TMEM132C: variants seen among roughly 807,000 people sequenced by gnomAD.
TMEM132C encodes the protein protein phosphatase 1, regulatory subunit 152.
A neutral mutation model predicts 61.4 loss-of-function variants in TMEM132C; 29 were observed. The ratio of observed to expected loss-of-function variants is 0.47; its 90% CI spans 0.35 to 0.64. The LOEUF (loss-of-function observed/expected upper bound fraction) is 0.64. Ranked by LOEUF, TMEM132C falls within the 30% of genes least tolerant of loss-of-function variation. TMEM132C has a pLI of 0.00. For synonymous variants in TMEM132C, 656 were observed against 633.1 expected (o/e 1.04, Z -0.54); for missense variants, 1,408 against 1,476.9 (o/e 0.95, Z 0.76).
chr12:128,310,219 G>T (rs1462569617), intron 1 of TMEM132C, among the ~76,000 whole-genome samples: 1 of 152,180 alleles, frequency 6.6e-6, no homozygotes, highest in Admixed American at 6.5e-5. Flanking sequence ...TAAACACAAT[G>T]ATTATTTTTA....
chr12:128,689,320 A>G (rs556466475), intron 5 of TMEM132C, among the ~76,000 whole-genome samples: 166 of 152,200 alleles, frequency 1.1e-3, no homozygotes, highest in Non-Finnish European at 2.0e-3. Flanking sequence ...TCTCTCAGCA[A>G]TTTTGAAATG....
chr12:128,375,462 C>T (rs1874164228), intron 1 of TMEM132C, among the ~76,000 whole-genome samples: 1 of 152,126 alleles, frequency 6.6e-6, no homozygotes, highest in Non-Finnish European at 1.5e-5. Context: ...TAGCTTGTGG[C>T]TGCATCTCTC....
chr12:128,485,578 T>C (rs1871463302), intron 2 of TMEM132C, among the ~76,000 whole-genome samples: 1 of 142,470 alleles, frequency 7.0e-6, no homozygotes, highest in Non-Finnish European at 1.5e-5. Flanking sequence ...TGGTTGCCAC[T>C]ACTGGGGAGT....
chr12:128,499,329 A>G (rs1047339581), intron 2 of TMEM132C, among the ~76,000 whole-genome samples: 3 of 152,210 alleles, frequency 2.0e-5, no homozygotes, highest in Non-Finnish European at 4.4e-5. Context: ...GTTTTGATGC[A>G]GGCATACAGT....
chr12:128,407,092 G>T (rs1341346880), intron 1 of TMEM132C, among the ~76,000 whole-genome samples: 1 of 152,206 alleles, frequency 6.6e-6, no homozygotes, highest in Non-Finnish European at 1.5e-5. Flanking sequence ...ATCTCGAATT[G>T]TATCTCCCGT....
At chr12:128,608,623 G>A (rs539299315) in intron 3 of TMEM132C, among the ~76,000 whole-genome samples, 2 of 152,324 alleles carry the variant, frequency 1.3e-5, no homozygotes, top group East Asian at 3.9e-4. Context: ...GTTAATCACA[G>A]AGAGAAAACA....
chr12:128,311,690 G>C (rs1200822113), intron 1 of TMEM132C, among the ~76,000 whole-genome samples: 1 of 152,190 alleles, frequency 6.6e-6, no homozygotes, highest in Non-Finnish European at 1.5e-5. Context: ...TGCCCCGCAG[G>C]CTGCGGTGTG....
chr12:128,347,890 T>C (rs1188064374), intron 1 of TMEM132C, among the ~76,000 whole-genome samples: 3 of 152,242 alleles, frequency 2.0e-5, no homozygotes, highest in Non-Finnish European at 4.4e-5. Flanking sequence ...CAGTGTAATG[T>C]CTTCCTTTTA....
At chr12:128,640,345 A>G (rs2135599263) in intron 4 of TMEM132C, among the ~76,000 whole-genome samples, 1 of 152,316 alleles carries the variant, frequency 6.6e-6, no homozygotes, top group Middle Eastern at 3.4e-3. Context: ...TGAGACTTGA[A>G]AACATTATCC....
intron 8 of TMEM132C, among the ~76,000 whole-genome samples, chr12:128,698,775 C>T (rs938272690): frequency 6.6e-6 from 1 of 152,304 alleles, no homozygotes; most frequent in African/African-American, 2.4e-5. Context: ...AATAGGCAGG[C>T]GGTCTGGGGA....
intron 2 of TMEM132C, among the ~76,000 whole-genome samples, chr12:128,429,422 C>T (rs56193741): frequency 0.15 from 23,573 of 152,134 alleles, 2,183 homozygotes; most frequent in Non-Finnish European, 0.21. Flanking sequence ...TAACCAATTG[C>T]TTATCAGGCT....
chr12:128,328,998 C>T lies in TMEM132C; in HGVS notation c.85+61511C>T, dbSNP rs1255050364. Among the ~76,000 whole-genome samples the T allele has an allele frequency of 2.0e-5, 3 of 152,064 alleles. No individual in the cohort carries two copies. In the East Asian group the frequency reaches 5.8e-4, roughly 29 times the overall value. On this transcript the variant is annotated intron_variant, in intron 1 of 8. Coordinates refer to ENST00000435159, the MANE Select transcript of TMEM132C (RefSeq NM_001136103.3). ...TCCATGTTTTCCTTACCCTTGGTTT[C>T]CATGAGAACTTCCATTGCTATTGTC...
At chr12:128,370,848 T>C (rs1039618808) in intron 1 of TMEM132C, among the ~76,000 whole-genome samples, 18 of 152,170 alleles carry the variant, frequency 1.2e-4, no homozygotes, top group Admixed American at 8.5e-4. Context: ...GAATTCAACT[T>C]ATCCTGCACG....
intron 3 of TMEM132C, among the ~76,000 whole-genome samples, chr12:128,612,195 A>G (rs1876659692): frequency 6.6e-6 from 1 of 152,078 alleles, no homozygotes; most frequent in Admixed American, 6.6e-5. Flanking sequence ...TTGCTCTATC[A>G]CACACATTCC....
intron 5 of TMEM132C, among the ~76,000 whole-genome samples, chr12:128,681,652 A>AT (rs1555242848): frequency 2.0e-5 from 2 of 98,562 alleles, no homozygotes; most frequent in Non-Finnish European, 3.8e-5. Flanking sequence ...ACCAGACTGT[A>AT]TCTTTTTTTT....
At chr12:128,353,213 A>C (rs987472295) in intron 1 of TMEM132C, among the ~76,000 whole-genome samples, 3 of 152,226 alleles carry the variant, frequency 2.0e-5, no homozygotes, top group Admixed American at 6.5e-5. Flanking sequence ...ACAGTGAATA[A>C]AATCTAAAAA....
intron 3 of TMEM132C, among the ~76,000 whole-genome samples, chr12:128,602,210 A>T (rs553692440): frequency 1.3e-5 from 2 of 152,328 alleles, no homozygotes; most frequent in Admixed American, 6.5e-5. Context: ...TGTCTCTAAA[A>T]TAAGAAAGGT....
rs1277031554 is a variant in TMEM132C, at chr12:128,278,658, G to A, written c.85+11171G>A. On this transcript the variant is annotated intron_variant, in intron 1 of 8. Coordinates refer to ENST00000435159, the MANE Select transcript of TMEM132C (RefSeq NM_001136103.3). The surrounding 1 kb of genome is among the most constrained non-coding windows in gnomAD (Gnocchi z 4.2). ...AACATCAGCTTTTTACTAAACCCCG[G>A]TGGTCAGGGTGTCCATGATGACTAA... Among the ~76,000 whole-genome samples the A allele has an allele frequency of 1.3e-5, 2 of 152,106 alleles. No homozygotes were observed.
intron 1 of TMEM132C, among the ~76,000 whole-genome samples, chr12:128,391,353 G>A (rs572486616): frequency 6.6e-6 from 1 of 152,312 alleles, no homozygotes; most frequent in African/African-American, 2.4e-5. Flanking sequence ...TCATGTGAGA[G>A]GCTCACTGTG....
Sources: allele counts gnomAD v4.1 joint callset (sites outside exome capture counted in the v4.1 genomes callset), GRCh38; gene constraint gnomAD v4.1.1; non-coding constraint Gnocchi (gnomAD v3.1); transcripts MANE v1.5; gene names NCBI Gene and HGNC (gene_info 2026-07-23, HGNC 2026-07-21).